TPTE: variants seen among roughly 807,000 people sequenced by gnomAD.
TPTE encodes the protein transmembrane phosphatase with tensin homology, also known as putative tyrosine-protein phosphatase TPTE.
A neutral mutation model predicts 84.1 loss-of-function variants in TPTE; 59 were observed. The ratio of observed to expected loss-of-function variants is 0.70; its 90% CI spans 0.57 to 0.87. The LOEUF is 0.87. Ranked by LOEUF, TPTE falls within the 40% of genes least tolerant of loss-of-function variation. The pLI is 0.00. For synonymous variants in TPTE, 130 were observed against 223.5 expected (o/e 0.58, Z 3.73); for missense variants, 382 against 659.6 (o/e 0.58, Z 4.61).
chr21:10,567,236 T>C (rs1381948114), intron 10 of TPTE, among the ~76,000 whole-genome samples: 1 of 152,306 alleles, frequency 6.6e-6, no homozygotes, highest in Non-Finnish European at 1.5e-5. Context: ...AAAAATAGAA[T>C]GAGTAACGCC....
chr21:10,577,553 G>T (rs367616977), intron 15 of TPTE, 33 bp downstream of exon 15: 1 of 1,613,806 alleles, frequency 6.2e-7, no homozygotes, highest in Admixed American at 1.7e-5. Context: ...TGCTACTGTA[G>T]ATAGAAAACA....
chr21:10,582,747 GT>G (rs1391947209), intron 17 of TPTE, among the ~76,000 whole-genome samples: 1 of 151,918 alleles, frequency 6.6e-6, no homozygotes, highest in East Asian at 1.9e-4. Context: ...TTGTTTTTTT[GT>G]TTTGAGATTA....
At position 10,593,762 on chromosome 21, in the gene TPTE, A is replaced by G. The variant is rs1225372770; in HGVS notation, c.1170+1389A>G. ...GCTTGTCATTTATATTGCCTTTTCT[A>G]TATTGCCCCTGAAACCGAAGTGAGA... On this transcript the variant is annotated intron_variant, in intron 19 of 23. Coordinates refer to ENST00000618007, the MANE Select transcript of TPTE (RefSeq NM_199261.4). 2.6e-5 allele frequency among the ~76,000 whole-genome samples: 4 copies of G among 152,312 alleles called. No homozygotes were observed. In the East Asian group the frequency reaches 5.8e-4, roughly 22 times the overall value.
At chr21:10,565,339 G>C (rs1242788998) in intron 10 of TPTE, among the ~76,000 whole-genome samples, 1 of 152,306 alleles carries the variant, frequency 6.6e-6, no homozygotes, top group Non-Finnish European at 1.5e-5. Flanking sequence ...ATAAAACACT[G>C]ATGAAAGAAA....
intron 8 of TPTE, among the ~76,000 whole-genome samples, chr21:10,555,280 C>G (rs1353506882): frequency 2.0e-5 from 3 of 152,292 alleles, no homozygotes; most frequent in African/African-American, 7.2e-5. Flanking sequence ...CCACTCAGCT[C>G]ACTGCAACCT....
intron 2 of TPTE, among the ~76,000 whole-genome samples, chr21:10,525,259 T>A (rs1279991968): frequency 6.6e-6 from 1 of 152,428 alleles, no homozygotes; most frequent in East Asian, 1.9e-4. Flanking sequence ...TATGACATTT[T>A]AAGATCTGTG....
intron 8 of TPTE, among the ~76,000 whole-genome samples, chr21:10,556,888 T>G (rs1442058074): frequency 6.6e-5 from 10 of 152,272 alleles, no homozygotes; most frequent in Non-Finnish European, 1.5e-4. Flanking sequence ...TTGATGGGGT[T>G]GTTTGATTTT....
At chr21:10,536,666 T>C (rs1478694653) in intron 3 of TPTE, among the ~76,000 whole-genome samples, 1 of 152,304 alleles carries the variant, frequency 6.6e-6, no homozygotes, top group Non-Finnish European at 1.5e-5. Flanking sequence ...TCTATGGCCA[T>C]ACAGAATGTC....
intron 3 of TPTE, among the ~76,000 whole-genome samples, chr21:10,534,656 C>G (rs954809707): frequency 2.6e-5 from 4 of 152,298 alleles, no homozygotes; most frequent in African/African-American, 9.6e-5. Flanking sequence ...TATAATGGAG[C>G]CATCAGTGAA....
At chr21:10,522,962 C>T (rs376369199) in intron 1 of TPTE, among the ~76,000 whole-genome samples, 1,902 of 151,670 alleles carry the variant, frequency 0.013, no homozygotes, top group South Asian at 0.066. Context: ...AAAATGATAG[C>T]TTGAGTCAAT....
rs371388267 is a variant in TPTE at position 10,592,340 on chromosome 21, C to A, written c.1137C>A (p.Ser379Arg). The A allele has an allele frequency of 1.1e-4, 174 of 1,612,164 alleles. No individual in the cohort carries two copies. In the African/African-American group the frequency reaches 2.3e-3, roughly 21 times the overall value. ...AAAGGCGAACAGATAAAACCCACAG[C>A]GAAAAATTTCAGGGAGTAAAAACTC... ...FGERRTDKTH[S>R]EKFQGVKTPS... The change falls in exon 19 of 24, where the codon AGC (serine) becomes AGA (arginine). Residue 379 changes from serine (S) to arginine (R), a missense_variant. Ser to Arg is a moderately radical substitution (Grantham distance 110, BLOSUM62 -1). Coordinates refer to ENST00000618007, the MANE Select transcript of TPTE (RefSeq NM_199261.4).
chr21:10,551,150 A>G (rs1184590610), intron 7 of TPTE, among the ~76,000 whole-genome samples: 3 of 152,310 alleles, frequency 2.0e-5, no homozygotes, highest in African/African-American at 7.2e-5. Context: ...TACAAAGGAC[A>G]TGAACTCATC....
chr21:10,561,335 T>C (rs2074800266), intron 10 of TPTE, 144 bp downstream of exon 10: 3 of 1,203,770 alleles, frequency 2.5e-6, no homozygotes, highest in Non-Finnish European at 3.4e-6. Context: ...CTACTAAAAA[T>C]ACAAAAATTA....
At chr21:10,531,225 G>A (rs1469854934) in intron 3 of TPTE, among the ~76,000 whole-genome samples, 1 of 152,296 alleles carries the variant, frequency 6.6e-6, no homozygotes, top group Admixed American at 6.5e-5. Flanking sequence ...GATCCCCAAT[G>A]TCGGAGGTGG....
chr21:10,603,225 A>G (rs2145811609), intron 22 of TPTE, among the ~76,000 whole-genome samples: 1 of 152,430 alleles, frequency 6.6e-6, no homozygotes, highest in Non-Finnish European at 1.5e-5. Context: ...AATTCACTAC[A>G]ATGTAGTTGG....
chr21:10,572,004 CAAAA>C (rs59120761), intron 14 of TPTE, among the ~76,000 whole-genome samples: 7,124 of 143,298 alleles, frequency 0.05, no homozygotes, highest in East Asian at 0.13. Context: ...TACCCTGTCT[CAAAA>C]AAAAAAAAAA....
At chr21:10,521,935 C>T (rs1406652502) in intron 1 of TPTE, among the ~76,000 whole-genome samples, 34 of 152,362 alleles carry the variant, frequency 2.2e-4, no homozygotes, top group African/African-American at 7.5e-4. Flanking sequence ...CTCCCCGTCC[C>T]CTCCTCTCCG....
chr21:10,543,305 C>T (rs555435464), intron 6 of TPTE, 24 bp from the exon 7 acceptor site: 2 of 1,612,810 alleles, frequency 1.2e-6, no homozygotes, highest in South Asian at 1.1e-5. Flanking sequence ...GTGCTGCTGA[C>T]TGTATTCTTT....
chr21:10,589,429 A>G (rs2075424250), intron 17 of TPTE, among the ~76,000 whole-genome samples: 1 of 152,304 alleles, frequency 6.6e-6, no homozygotes, highest in African/African-American at 2.4e-5. Flanking sequence ...GCCCCAGGCA[A>G]TGGGCTGAAA....
Sources: allele counts gnomAD v4.1 joint callset (sites outside exome capture counted in the v4.1 genomes callset), GRCh38; gene constraint gnomAD v4.1.1; transcripts MANE v1.5; gene names NCBI Gene and HGNC (gene_info 2026-07-23, HGNC 2026-07-21).